The following DACH2 variants were observed in gnomAD, a reference collection of about 807,000 sequenced individuals.
DACH2 encodes dachshund family transcription factor 2, also known as dachshund homolog 2.
In DACH2, 17 loss-of-function variants were observed where a neutral mutation model predicts 35.8. The observed-to-expected ratio is 0.48, with a 90% confidence interval of 0.33 to 0.71. The LOEUF (loss-of-function observed/expected upper bound fraction) is 0.71. DACH2 is among the 30% of genes least tolerant of loss of function. The pLI is 0.02. For synonymous variants in DACH2, 195 were observed against 177.3 expected (o/e 1.10, Z -0.79); for missense variants, 469 against 472.7 (o/e 0.99, Z 0.07).
At chrX:86,512,041 T>A (rs62593936) in intron 2 of DACH2, among the ~76,000 whole-genome samples, 12,963 of 111,492 alleles carry the variant, frequency 0.12, 908 homozygotes, top group African/African-American at 0.26. Context: ...TAATTAATTG[T>A]TTTAATTAAC....
intron 7 of DACH2, among the ~76,000 whole-genome samples, chrX:86,769,565 T>A (rs1190854391): frequency 2.7e-5 from 3 of 111,782 alleles, no homozygotes; most frequent in African/African-American, 9.7e-5. Flanking sequence ...AGAAAAGTGC[T>A]GGGGTATGTA....
intron 1 of DACH2, among the ~76,000 whole-genome samples, chrX:86,375,388 TATATATATATATAC>T (rs1235859746): frequency 1.1e-5 from 1 of 94,660 alleles, no homozygotes; most frequent in Non-Finnish European, 2.0e-5. Context: ...ATATAATACA[TATATATATATATAC>T]ATATATATAT....
chrX:86,528,477 A>G (rs1315973463), intron 3 of DACH2, among the ~76,000 whole-genome samples: 1 of 111,918 alleles, frequency 8.9e-6, no homozygotes, highest in East Asian at 2.8e-4. Flanking sequence ...ACCCATGTTT[A>G]GTTTCAAAGG....
At chrX:86,280,983 C>T (rs1322452290) in intron 1 of DACH2, among the ~76,000 whole-genome samples, 1 of 111,478 alleles carries the variant, frequency 9.0e-6, no homozygotes, top group African/African-American at 3.3e-5. Context: ...GAGATTTACA[C>T]TCCCACACAA....
At chrX:86,633,584 G>A (rs2040228185) in intron 3 of DACH2, among the ~76,000 whole-genome samples, 1 of 111,507 alleles carries the variant, frequency 9.0e-6, no homozygotes, top group Admixed American at 9.6e-5. Context: ...CTAAAATGAA[G>A]GAATAATCCC....
chrX:86,688,789 C>G (rs2040977231), intron 4 of DACH2, among the ~76,000 whole-genome samples: 1 of 112,104 alleles, frequency 8.9e-6, no homozygotes, highest in African/African-American at 3.2e-5. Flanking sequence ...TAGGATAGCA[C>G]TTTCTAGTAT....
intron 2 of DACH2, among the ~76,000 whole-genome samples, chrX:86,401,129 T>C (rs2036419962): frequency 8.9e-6 from 1 of 112,082 alleles, no homozygotes. Flanking sequence ...GATCTCAGAC[T>C]GCTGTGCTAG....
chrX:86,151,714 C>A (rs1386867989), intron 1 of DACH2, among the ~76,000 whole-genome samples: 1 of 111,448 alleles, frequency 9.0e-6, no homozygotes, highest in African/African-American at 3.3e-5. Flanking sequence ...GAAATGTATA[C>A]TTTAAGTTAC....
At position 86,435,529 on chromosome X, in the gene DACH2, T is replaced by A. The variant is rs567031309; in HGVS notation, c.527+58667T>A. Among the ~76,000 whole-genome samples the A allele has an allele frequency of 2.8e-4, 31 of 112,016 alleles. No individual in the cohort carries two copies. In the South Asian group the frequency reaches 0.011, roughly 39 times the overall value. Reference sequence around the variant, plus strand: ...TAAAAATATTATGATCCATTCAGTATTATTGGGTTTTCAAAATCATACAAA... The same window carrying A: ...TAAAAATATTATGATCCATTCAGTAATATTGGGTTTTCAAAATCATACAAA... On this transcript the variant is annotated intron_variant, in intron 2 of 11. Coordinates refer to ENST00000373125, the MANE Select transcript of DACH2 (RefSeq NM_053281.3).
intron 11 of DACH2, among the ~76,000 whole-genome samples, chrX:86,822,977 C>T (rs188322677): frequency 1.1e-3 from 123 of 111,295 alleles, no homozygotes; most frequent in South Asian, 1.5e-3. Flanking sequence ...TTTGTTGAGA[C>T]GGAGTTTCAT....
chrX:86,695,247 T>A, intron 5 of DACH2, 68 bp downstream of exon 5: 1 of 870,736 alleles, frequency 1.1e-6, no homozygotes, highest in Non-Finnish European at 1.5e-6. Context: ...ACTAGAAACC[T>A]TTGGCTGGCA....
At chrX:86,539,294 T>C (rs2148297068) in intron 3 of DACH2, among the ~76,000 whole-genome samples, 1 of 111,607 alleles carries the variant, frequency 9.0e-6, no homozygotes, top group South Asian at 3.8e-4. Context: ...TCTGCCATGA[T>C]TGTAAGTTTC....
chrX:86,697,812 C>T (rs1023847120), intron 5 of DACH2, among the ~76,000 whole-genome samples: 5 of 111,039 alleles, frequency 4.5e-5, no homozygotes, highest in African/African-American at 1.6e-4. Context: ...ACACATACTT[C>T]CCAAGCTGAA....
At chrX:86,684,186 A>T (rs1192902768) in intron 4 of DACH2, among the ~76,000 whole-genome samples, 1 of 111,777 alleles carries the variant, frequency 8.9e-6, no homozygotes, top group Non-Finnish European at 1.9e-5. Context: ...ATGCTTTCAT[A>T]TCGATTTATT....
intron 1 of DACH2, among the ~76,000 whole-genome samples, chrX:86,204,582 T>C (rs1370510440): frequency 8.9e-6 from 1 of 111,787 alleles, no homozygotes; most frequent in Non-Finnish European, 1.9e-5. Context: ...GGATATTACA[T>C]TTAGAATGAG....
At chrX:86,311,403 G>T (rs935024942) in intron 1 of DACH2, among the ~76,000 whole-genome samples, 1 of 111,918 alleles carries the variant, frequency 8.9e-6, no homozygotes, top group South Asian at 3.7e-4. Context: ...TTGATAGAAC[G>T]GTGGAATGGT....
rs191792587 is a variant in DACH2 at position 86,671,847 on chromosome X, C to T, written c.772+20680C>T. 1.8e-3 allele frequency among the ~76,000 whole-genome samples: 198 copies of T among 111,220 alleles called. 1 individual carries two copies. The highest frequency in any genetic ancestry group is 6.1e-3 in the African/African-American group (187 of 30,612). ...TAATGGGCAGAGGTTAGAACAGTTG[C>T]GAGGGCTCAGAAGAAGACAGGAAGA... On this transcript the variant is annotated intron_variant, in intron 4 of 11. Coordinates refer to ENST00000373125, the MANE Select transcript of DACH2 (RefSeq NM_053281.3).
chrX:86,625,558 C>G (rs2040126079), intron 3 of DACH2, among the ~76,000 whole-genome samples: 1 of 110,893 alleles, frequency 9.0e-6, no homozygotes, highest in Non-Finnish European at 1.9e-5. Flanking sequence ...AGGCAATACC[C>G]TAAACCCCAC....
intron 1 of DACH2, among the ~76,000 whole-genome samples, chrX:86,243,931 T>A (rs1171781192): frequency 3.6e-5 from 4 of 111,695 alleles, no homozygotes; most frequent in African/African-American, 1.3e-4. Context: ...GGCAGTATTT[T>A]ATAGCATTAT....
Sources: gnomAD v4.1 joint callset for allele counts (sites outside exome capture counted in the v4.1 genomes callset) on GRCh38, gnomAD v4.1.1 for gene constraint, MANE v1.5 for transcripts, NCBI Gene and HGNC (gene_info 2026-07-23, HGNC 2026-07-21) for gene names.